The following ANK2 variants were observed in gnomAD, a reference collection of about 807,000 sequenced individuals.
ANK2 encodes the protein ankyrin 2, also known as ankyrin-2.
A neutral mutation model predicts 360.5 loss-of-function variants in ANK2; 83 were observed. That is an observed-to-expected ratio of 0.23 (90% confidence interval 0.19 to 0.28). ANK2 has a LOEUF of 0.28. Among genes scored for constraint, ANK2 ranks in the 10% least tolerant of loss-of-function variants. The pLI is 1.00. For synonymous variants in ANK2, 1,740 were observed against 1,759.5 expected, an observed-to-expected ratio of 0.99 and a Z score of 0.28; for missense variants, 4,201 against 4,795.7, an observed-to-expected ratio of 0.88 and a Z score of 3.66.
At chr4:113,351,845 T>C (rs2095432734) in intron 37 of ANK2, among the ~76,000 whole-genome samples, 1 of 152,348 alleles carries the variant, frequency 6.6e-6, no homozygotes. Flanking sequence ...GATTTAAAGA[T>C]AATCATTAAA....
In ANK2 at chr4:113,168,447, A is replaced by G. The variant is rs995561183; in HGVS notation, c.85-5969A>G. 3.3e-5 allele frequency among the ~76,000 whole-genome samples: 5 copies of G among 152,216 alleles called. No individual in the cohort carries two copies. In the East Asian group the frequency reaches 9.6e-4, roughly 29 times the overall value. ...AACCAATTTTCTTAACACAAAGGCC[A>G]TTGGATTAAGAACACTCTTTTGAGA... On this transcript the variant is annotated intron_variant, in intron 1 of 45. Transcript: ENST00000357077.
At chr4:113,013,076 A>G (rs1160101348) in intron 2 of ANK2, among the ~76,000 whole-genome samples, 1 of 152,218 alleles carries the variant, frequency 6.6e-6, no homozygotes, top group Non-Finnish European at 1.5e-5. Context: ...GTTGGAATTC[A>G]TAAGTGAAAG....
At chr4:113,360,459 C>T (rs1035946679) in intron 38 of ANK2, among the ~76,000 whole-genome samples, 5 of 151,980 alleles carry the variant, frequency 3.3e-5, no homozygotes, top group African/African-American at 1.2e-4. Flanking sequence ...AATTGCTCTA[C>T]TTCTGCATCC....
intron 35 of ANK2, chr4:113,347,818 A>G (rs1039739372): frequency 5.1e-5 from 9 of 177,398 alleles, no homozygotes; most frequent in East Asian, 1.5e-4. Context: ...AAAAAAAAAA[A>G]AAAGAAAGAA....
chr4:112,745,744 G>T, the ANK2 span, among the ~76,000 whole-genome samples: 1 of 151,990 alleles, frequency 6.6e-6, no homozygotes, highest in South Asian at 2.1e-4. Flanking sequence ...TCTTGGTCAG[G>T]CTGGTCTCGA....
At chr4:112,796,415 C>T in the ANK2 span, among the ~76,000 whole-genome samples, 2 of 151,028 alleles carry the variant, frequency 1.3e-5, no homozygotes, top group African/African-American at 4.9e-5. Flanking sequence ...ATGAGCGAAA[C>T]TCCGTCTCAA....
intron 43 of ANK2, chr4:113,372,422 A>C (rs2096772284): frequency 1.5e-6 from 1 of 669,692 alleles, no homozygotes; most frequent in Non-Finnish European, 2.5e-6. Context: ...CTTGTCCATC[A>C]AAGCCTCCAT....
the ANK2 span, among the ~76,000 whole-genome samples, chr4:112,773,241 C>T: frequency 1.3e-5 from 2 of 152,020 alleles, no homozygotes; most frequent in Admixed American, 1.3e-4. Context: ...CACCTGAGCT[C>T]GGGAAGTTGG....
At position 113,367,628 on chromosome 4, in the gene ANK2, G is replaced by A. The variant is rs767303472; in HGVS notation, c.11095G>A (p.Val3699Ile). The change falls in exon 42 of 46, where the codon GTT (valine) becomes ATT (isoleucine). Residue 3699 changes from valine to isoleucine, a missense_variant. Val to Ile is a conservative substitution (Grantham distance 29, BLOSUM62 3). Around this residue, in one of 4 missense-constraint regions of ANK2, gnomAD observed 2,642 missense variants for 2,714.5 expected, o/e 0.97. Coordinates refer to ENST00000357077, the MANE Select transcript of ANK2 (RefSeq NM_001148.6). Reference sequence around the variant, plus strand: ...GCACAAGCAGAAAGAGGAGCAAGCTGTTTCTAAAGAAAGTGAGACCTGCGA... The same window carrying A: ...GCACAAGCAGAAAGAGGAGCAAGCTATTTCTAAAGAAAGTGAGACCTGCGA... ...AQHKQKEEQA[V>I]SKESETCDHP... is the part of the protein sequence containing the mutation. 1 of 1,613,848 alleles carries A rather than the reference G, an allele frequency of 6.2e-7. No individual in the cohort carries two copies. Among genetic ancestry groups the A allele is most frequent in the African/African-American group, 1.3e-5 (1 of 74,966 alleles).
chr4:112,972,047 G>A (rs1224359901), intron 2 of ANK2, among the ~76,000 whole-genome samples: 1 of 152,186 alleles, frequency 6.6e-6, no homozygotes, highest in Admixed American at 6.5e-5. Flanking sequence ...GCCAAGGGTA[G>A]TGTTAAGGGA....
chr4:112,789,981 AC>A, the ANK2 span, among the ~76,000 whole-genome samples: 1 of 152,208 alleles, frequency 6.6e-6, no homozygotes, highest in Non-Finnish European at 1.5e-5. Context: ...AGAAATTGGA[AC>A]CCTTGTTGGT....
At chr4:113,017,182 T>C (rs1317365253) in intron 2 of ANK2, among the ~76,000 whole-genome samples, 1 of 152,216 alleles carries the variant, frequency 6.6e-6, no homozygotes, top group East Asian at 1.9e-4. Context: ...GGTTTGTTTA[T>C]CTTTGTGTTT....
At chr4:113,279,493 G>A (rs893043280) in intron 17 of ANK2, among the ~76,000 whole-genome samples, 1 of 151,876 alleles carries the variant, frequency 6.6e-6, no homozygotes, top group East Asian at 1.9e-4. Flanking sequence ...ACCTGTGTTT[G>A]ACCTCAGGCA....
At chr4:113,339,791 AGTTTTATT>A (rs2094036721) in intron 32 of ANK2, among the ~76,000 whole-genome samples, 1 of 152,242 alleles carries the variant, frequency 6.6e-6, no homozygotes, top group African/African-American at 2.4e-5. Flanking sequence ...GAAGCTATCT[AGTTTTATT>A]GCTTATGCAC....
At chr4:113,331,793 A>G (rs1452427608) in intron 27 of ANK2, among the ~76,000 whole-genome samples, 179 bp from the exon 28 acceptor site, 1 of 152,006 alleles carries the variant, frequency 6.6e-6, no homozygotes, top group African/African-American at 2.4e-5. Flanking sequence ...ACGCGCCTCC[A>G]TTGTACACTC....
At position 113,263,725 on chromosome 4, in the gene ANK2, G is replaced by C. The variant is rs112555353; in HGVS notation, c.1387-1172G>C. On this transcript the variant is annotated intron_variant, in intron 13 of 45. Transcript: ENST00000357077. ...TATTTGGAATGGTTTACTTTACTTGGTTGAAATCATCCTTATCTTCTAGAA... is the reference window on the plus strand; with the variant it reads ...TATTTGGAATGGTTTACTTTACTTGCTTGAAATCATCCTTATCTTCTAGAA... 7.9e-3 allele frequency among the ~76,000 whole-genome samples: 1,208 copies of C among 152,270 alleles called. 12 individuals carry two copies. Among genetic ancestry groups the C allele is most frequent in the African/African-American group, 0.013 (559 of 41,558 alleles).
chr4:113,163,535 C>T (rs545750843), intron 1 of ANK2, among the ~76,000 whole-genome samples: 9 of 151,502 alleles, frequency 5.9e-5, no homozygotes, highest in East Asian at 5.8e-4. Context: ...GAGGCCGAGG[C>T]GGGTGGATCA....
At chr4:112,927,630 T>C (rs1259316868) in intron 2 of ANK2, among the ~76,000 whole-genome samples, 1 of 152,222 alleles carries the variant, frequency 6.6e-6, no homozygotes, top group East Asian at 1.9e-4. Flanking sequence ...GAAAAATCTA[T>C]TGTTTCAGAT....
At chr4:112,770,180 A>G in the ANK2 span, among the ~76,000 whole-genome samples, 1 of 152,116 alleles carries the variant, frequency 6.6e-6, no homozygotes, top group Non-Finnish European at 1.5e-5. Flanking sequence ...ACATCGAATC[A>G]CAATAAAACT....
Sources: allele counts gnomAD v4.1 joint callset (sites outside exome capture counted in the v4.1 genomes callset), GRCh38; gene constraint gnomAD v4.1.1; regional missense constraint gnomAD v4.1.1; transcripts MANE v1.5; gene names NCBI Gene and HGNC (gene_info 2026-07-23, HGNC 2026-07-21).